The following EPHA6 variants were observed in gnomAD, a reference collection of about 807,000 sequenced individuals.
EPHA6 encodes EPH receptor A6, also known as ephrin type-A receptor 6.
EPHA6 carries 50 observed loss-of-function variants against 112.0 expected under a neutral mutation model. The ratio of observed to expected loss-of-function variants is 0.45; its 90% CI spans 0.36 to 0.56. The LOEUF (loss-of-function observed/expected upper bound fraction) is 0.56. Among genes scored for constraint, EPHA6 ranks in the 20% least tolerant of loss-of-function variants. The probability of loss-of-function intolerance (pLI) is 0.00; values close to 1 mark genes in which losing one functional copy is unlikely to be tolerated. For synonymous variants in EPHA6, 529 were observed against 490.7 expected (o/e 1.08, Z -1.03); for missense variants, 1,280 against 1,417.4 (o/e 0.90, Z 1.56).
At chr3:97,636,335 G>A (rs2093944710) in intron 13 of EPHA6, among the ~76,000 whole-genome samples, 1 of 150,890 alleles carries the variant, frequency 6.6e-6, no homozygotes, top group South Asian at 2.1e-4. Flanking sequence ...AGAGTGGTAG[G>A]TAGTGTACAT....
chr3:97,483,775 G>A (rs1048942563), intron 9 of EPHA6, among the ~76,000 whole-genome samples, 159 bp from the exon 10 acceptor site: 5 of 152,062 alleles, frequency 3.3e-5, no homozygotes, highest in South Asian at 4.1e-4. Flanking sequence ...TTTGACCCTC[G>A]TAGTCAAAGC....
At chr3:97,288,024 C>T (rs1412774523) in intron 5 of EPHA6, among the ~76,000 whole-genome samples, 1 of 150,558 alleles carries the variant, frequency 6.6e-6, no homozygotes, top group African/African-American at 2.4e-5. Context: ...GCAGTGAAGC[C>T]ATCCAGTCTG....
At chr3:97,591,822 T>C (rs1226783347) in intron 11 of EPHA6, among the ~76,000 whole-genome samples, 2 of 152,184 alleles carry the variant, frequency 1.3e-5, no homozygotes, top group Admixed American at 1.3e-4. Context: ...GAAGAGTTTG[T>C]CCTGGTAGTC....
chr3:96,847,640 A>G (rs1021188228), intron 1 of EPHA6, among the ~76,000 whole-genome samples: 6 of 152,136 alleles, frequency 3.9e-5, no homozygotes, highest in African/African-American at 1.4e-4. Context: ...TAGGGTTGTA[A>G]TCTTTAAGAA....
At chr3:97,697,519 A>AT (rs750090942) in intron 14 of EPHA6, among the ~76,000 whole-genome samples, 20 of 152,130 alleles carry the variant, frequency 1.3e-4, no homozygotes, top group Non-Finnish European at 2.8e-4. Flanking sequence ...TAAAAGATGA[A>AT]TGTGTCACAG....
In EPHA6 at chr3:97,462,920, G is replaced by A. The variant is rs149295154; in HGVS notation, c.1895-12432G>A. On this transcript the variant is annotated intron_variant, in intron 7 of 17. Coordinates refer to ENST00000389672, the MANE Select transcript of EPHA6 (RefSeq NM_001080448.3). Reference sequence around the variant, plus strand: ...GGCACGTGCCTCTTTTTTCTGTCACGTTCTGTGCTGCAGCTCAGAATGCCT... The same window carrying A: ...GGCACGTGCCTCTTTTTTCTGTCACATTCTGTGCTGCAGCTCAGAATGCCT... 3.2e-3 allele frequency among the ~76,000 whole-genome samples: 481 copies of A among 152,086 alleles called. 2 individuals are homozygous for A. The highest frequency in any genetic ancestry group is 0.01 in the African/African-American group (417 of 41,500).
chr3:97,029,637 G>A (rs923278619), intron 3 of EPHA6, among the ~76,000 whole-genome samples: 2 of 152,060 alleles, frequency 1.3e-5, no homozygotes, highest in African/African-American at 4.8e-5. Flanking sequence ...TAATGGGGGT[G>A]ATAGTAATAT....
chr3:96,979,928 T>C (rs759955326), intron 2 of EPHA6, among the ~76,000 whole-genome samples: 12 of 152,198 alleles, frequency 7.9e-5, no homozygotes, highest in Non-Finnish European at 1.5e-4. Flanking sequence ...TTTGTTTGAG[T>C]TCATTGTAGA....
intron 14 of EPHA6, among the ~76,000 whole-genome samples, chr3:97,659,426 G>A (rs2094156048): frequency 6.6e-6 from 1 of 151,942 alleles, no homozygotes; most frequent in Non-Finnish European, 1.5e-5. Flanking sequence ...GAACATTGAA[G>A]AGATGATGAA....
chr3:97,498,388 G>A (rs2092034515), intron 10 of EPHA6, among the ~76,000 whole-genome samples: 1 of 151,220 alleles, frequency 6.6e-6, no homozygotes, highest in Non-Finnish European at 1.5e-5. Context: ...TGTCTTGCTT[G>A]CCAGAGTTGT....
intron 5 of EPHA6, among the ~76,000 whole-genome samples, chr3:97,263,811 G>A (rs1444680087): frequency 6.6e-6 from 1 of 152,102 alleles, no homozygotes; most frequent in Non-Finnish European, 1.5e-5. Context: ...AGGTAAACAT[G>A]AAACCAAAGG....
intron 2 of EPHA6, among the ~76,000 whole-genome samples, chr3:96,892,131 C>A (rs1215748600): frequency 6.6e-6 from 1 of 152,184 alleles, no homozygotes; most frequent in Non-Finnish European, 1.5e-5. Flanking sequence ...CCATTGACTT[C>A]ATATAGAGAG....
intron 2 of EPHA6, among the ~76,000 whole-genome samples, chr3:96,928,996 G>C (rs922033199): frequency 4.0e-5 from 6 of 151,872 alleles, no homozygotes; most frequent in African/African-American, 1.5e-4. Context: ...TCAATATTTT[G>C]AGCCTTTGTG....
chr3:97,678,969 C>T (rs1346222582), intron 14 of EPHA6, among the ~76,000 whole-genome samples: 2 of 152,074 alleles, frequency 1.3e-5, no homozygotes, highest in Non-Finnish European at 2.9e-5. Flanking sequence ...AGATTTCAAC[C>T]CATCTCTATT....
intron 3 of EPHA6, among the ~76,000 whole-genome samples, chr3:97,173,379 A>C (rs538271638): frequency 6.6e-6 from 1 of 152,018 alleles, no homozygotes; most frequent in African/African-American, 2.4e-5. Context: ...TGGAAAAAAT[A>C]TTTAAAATTT....
chr3:97,640,467 T>C (rs892180873), intron 14 of EPHA6, among the ~76,000 whole-genome samples: 8 of 152,116 alleles, frequency 5.3e-5, no homozygotes, highest in Non-Finnish European at 1.2e-4. Flanking sequence ...GACGCATGTC[T>C]TAGAAGATAT....
chr3:97,650,681 C>A (rs2094101794), intron 14 of EPHA6, among the ~76,000 whole-genome samples: 1 of 151,598 alleles, frequency 6.6e-6, no homozygotes, highest in Admixed American at 6.6e-5. Flanking sequence ...ACAAGAAGTC[C>A]TTGTTACATG....
Position 97,642,270 on chromosome 3 carries a change from C to T in EPHA6, c.2784+4188C>T, listed in dbSNP as rs2094014895. On this transcript the variant is annotated intron_variant, in intron 14 of 17. Transcript: ENST00000389672. ...AAAACTAACAAACAGAAAGGACATC[C>T]ACACCAAAAACCCATCTGTACATCA... 3.1e-5 allele frequency among the ~76,000 whole-genome samples: 3 copies of T among 97,148 alleles called. 1 individual carries two copies. Among genetic ancestry groups the T allele is most frequent in the African/African-American group, 1.3e-4 (3 of 23,554 alleles). The allele number at this position is 97,148 out of a possible 152,430, so 63.7% of individuals were successfully genotyped here. A position where few individuals can be genotyped will look rare whatever the true frequency, so the allele number is the denominator to read the frequency against.
chr3:97,637,773 C>A, intron 13 of EPHA6, 100 bp from the exon 14 acceptor site: 1 of 854,584 alleles, frequency 1.2e-6, no homozygotes. Context: ...TGCTTATCTT[C>A]ATTTGATCCA....
Sources: gnomAD v4.1 joint callset for allele counts (sites outside exome capture counted in the v4.1 genomes callset) on GRCh38, gnomAD v4.1.1 for gene constraint, MANE v1.5 for transcripts, NCBI Gene and HGNC (gene_info 2026-07-23, HGNC 2026-07-21) for gene names.